Variants in RAB38 observed in about 807,000 individuals in gnomAD.
RAB38 encodes ras-related protein Rab-38.
In RAB38, 15 loss-of-function variants were observed where a neutral mutation model predicts 18.4. The ratio of observed to expected loss-of-function variants is 0.82; its 90% CI spans 0.55 to 1.26. The LOEUF is 1.26. Among genes scored for constraint, RAB38 ranks in the 50% most tolerant of loss-of-function variants. The pLI is 0.00. For missense variants in RAB38, 294 were observed against 267.4 expected, an observed-to-expected ratio of 1.10 and a Z score of -0.69; for synonymous variants, 101 against 104.4, an observed-to-expected ratio of 0.97 and a Z score of 0.20.
chr11:87,948,567 C>A, the RAB38 span, among the ~76,000 whole-genome samples: 1 of 151,892 alleles, frequency 6.6e-6, no homozygotes, highest in African/African-American at 2.4e-5. Context: ...TGAGATACGT[C>A]CCATCAATAT....
intron 2 of RAB38, among the ~76,000 whole-genome samples, chr11:88,148,723 A>G (rs1220302943): frequency 6.6e-6 from 1 of 152,238 alleles, no homozygotes; most frequent in Non-Finnish European, 1.5e-5. Context: ...CTGAATCCCA[A>G]AAACTAGCGT....
At chr11:88,043,361 G>C in the RAB38 span, among the ~76,000 whole-genome samples, 2 of 152,054 alleles carry the variant, frequency 1.3e-5, no homozygotes, top group African/African-American at 2.4e-5. Flanking sequence ...AGAAAACAAA[G>C]GCAGGATGGA....
chr11:87,887,719 A>C, the RAB38 span, among the ~76,000 whole-genome samples: 13 of 152,080 alleles, frequency 8.5e-5, no homozygotes, highest in African/African-American at 2.6e-4. Context: ...TTGCTCTTTG[A>C]AACATACATC....
chr11:88,046,438 A>C, the RAB38 span, among the ~76,000 whole-genome samples: 3 of 152,094 alleles, frequency 2.0e-5, no homozygotes, highest in African/African-American at 7.2e-5. Context: ...GATCTCAAAC[A>C]TGCTTTCTTT....
the RAB38 span, among the ~76,000 whole-genome samples, chr11:87,826,878 A>C: frequency 6.6e-6 from 1 of 152,162 alleles, no homozygotes; most frequent in Non-Finnish European, 1.5e-5. Flanking sequence ...CACCATACTC[A>C]GTAGCTGGGT....
At chr11:88,154,186 C>T (rs948007353) in intron 1 of RAB38, among the ~76,000 whole-genome samples, 2 of 152,142 alleles carry the variant, frequency 1.3e-5, no homozygotes, top group Non-Finnish European at 2.9e-5. Context: ...GAGGAAAAGA[C>T]GTGAGGAACA....
the RAB38 span, among the ~76,000 whole-genome samples, chr11:87,844,216 CTT>C: frequency 2.0e-5 from 3 of 152,174 alleles, no homozygotes; most frequent in African/African-American, 7.2e-5. Context: ...AGAGATTACT[CTT>C]TTTAAAATCT....
intron 2 of RAB38, among the ~76,000 whole-genome samples, chr11:88,125,277 T>G (rs1942681761): frequency 6.6e-6 from 1 of 152,170 alleles, no homozygotes; most frequent in South Asian, 2.1e-4. Context: ...AACTCTCCTG[T>G]TTCATCTGTA....
At chr11:87,810,481 A>G in the RAB38 span, among the ~76,000 whole-genome samples, 1 of 152,212 alleles carries the variant, frequency 6.6e-6, no homozygotes, top group Non-Finnish European at 1.5e-5. Context: ...TGTTGTATGT[A>G]CCAATAATCC....
chr11:88,164,799 C>A (rs1943229018), intron 1 of RAB38, among the ~76,000 whole-genome samples: 2 of 151,836 alleles, frequency 1.3e-5, no homozygotes, highest in Non-Finnish European at 2.9e-5. Flanking sequence ...TGCGCTGTAG[C>A]CTCTAGAGTC....
the RAB38 span, among the ~76,000 whole-genome samples, chr11:87,829,631 A>T: frequency 6.6e-6 from 1 of 152,176 alleles, no homozygotes; most frequent in African/African-American, 2.4e-5. Flanking sequence ...ACACCTAGGG[A>T]TTACAATTCA....
chr11:88,053,352 T>TAC, the RAB38 span, among the ~76,000 whole-genome samples: 47 of 68,712 alleles, frequency 6.8e-4, 2 homozygotes, highest in African/African-American at 1.9e-3. Flanking sequence ...AATATATATA[T>TAC]ACACACACAT....
the RAB38 span, among the ~76,000 whole-genome samples, chr11:88,091,275 C>T: frequency 6.6e-6 from 1 of 151,988 alleles, no homozygotes; most frequent in Non-Finnish European, 1.5e-5. Context: ...TCTCTAGGTT[C>T]CCTCAGCCCA....
At chr11:88,151,211 G>A (rs988337534) in intron 1 of RAB38, among the ~76,000 whole-genome samples, 1 of 152,114 alleles carries the variant, frequency 6.6e-6, no homozygotes, top group Admixed American at 6.5e-5. Flanking sequence ...TTTGCCATGT[G>A]GATGAAGTGA....
chr11:87,958,104 T>C, the RAB38 span, among the ~76,000 whole-genome samples: 1 of 152,118 alleles, frequency 6.6e-6, no homozygotes, highest in Non-Finnish European at 1.5e-5. Flanking sequence ...GCTAGCAATA[T>C]ACTGTACTCT....
chr11:88,117,698 T>C (rs11018489), intron 2 of RAB38, among the ~76,000 whole-genome samples: 15,330 of 152,202 alleles, frequency 0.1, 1,261 homozygotes, highest in East Asian at 0.4. Flanking sequence ...TTAGTTCCCC[T>C]ACTTTCTGGT....
chr11:88,105,147 T>C, the RAB38 span, among the ~76,000 whole-genome samples: 3 of 152,168 alleles, frequency 2.0e-5, no homozygotes, highest in Non-Finnish European at 4.4e-5. Context: ...CACATGTATA[T>C]AAATTAATAT....
the RAB38 span, among the ~76,000 whole-genome samples, chr11:87,881,453 A>G: frequency 6.6e-6 from 1 of 151,740 alleles, no homozygotes; most frequent in Non-Finnish European, 1.5e-5. Context: ...TTTAATTTTT[A>G]CCCATATCTT....
chr11:88,027,598 G>A, the RAB38 span, among the ~76,000 whole-genome samples: 9 of 152,216 alleles, frequency 5.9e-5, no homozygotes, highest in South Asian at 6.2e-4. Context: ...AGGGTCCTAC[G>A]CCCATGGAGT....
Sources: gnomAD v4.1 joint callset for allele counts (sites outside exome capture counted in the v4.1 genomes callset) on GRCh38, gnomAD v4.1.1 for gene constraint, MANE v1.5 for transcripts, NCBI Gene and HGNC (gene_info 2026-07-23, HGNC 2026-07-21) for gene names.